The following KHDRBS2 variants were observed in gnomAD, a reference collection of about 807,000 sequenced individuals.
The protein encoded by KHDRBS2 is KH RNA binding domain containing, signal transduction associated 2, also known as KH domain-containing, RNA-binding, signal transduction-associated protein 2.
Under a neutral mutation model 44.3 loss-of-function variants are expected in KHDRBS2, and 26 were observed. The observed-to-expected ratio is 0.59, with a 90% CI of 0.43 to 0.81. KHDRBS2 has a LOEUF of 0.81. Among genes scored for constraint, KHDRBS2 ranks in the 40% least tolerant of loss-of-function variants. KHDRBS2 has a pLI of 0.00. For missense variants in KHDRBS2, 476 were observed against 433.1 expected, an observed-to-expected ratio of 1.10 and a Z score of -0.88; for synonymous variants, 194 against 151.1, an observed-to-expected ratio of 1.28 and a Z score of -2.08.
At chr6:62,191,919 A>C (rs1208391665) in intron 1 of KHDRBS2, among the ~76,000 whole-genome samples, 2 of 152,126 alleles carry the variant, frequency 1.3e-5, no homozygotes, top group Non-Finnish European at 2.9e-5. Flanking sequence ...ATTTAAAAAA[A>C]CTTTTTTTAA....
intron 6 of KHDRBS2, among the ~76,000 whole-genome samples, chr6:61,770,883 G>T (rs185057188): frequency 6.6e-6 from 1 of 152,138 alleles, no homozygotes; most frequent in Non-Finnish European, 1.5e-5. Context: ...ACACATAATT[G>T]TCAGGTTCAC....
chr6:61,820,410 G>A (rs1789710659), intron 6 of KHDRBS2, among the ~76,000 whole-genome samples: 1 of 151,898 alleles, frequency 6.6e-6, no homozygotes, highest in African/African-American at 2.4e-5. Context: ...TTTTGGGCTT[G>A]AGCAGTGGGT....
chr6:61,811,040 T>TCAG lies in KHDRBS2; in HGVS notation c.811-78277_811-78276insCTG, dbSNP rs535093380. ...TATTGTATGATACTGAGGCTTGGGC[T>TCAG]TCTATTTATCCTGTCACTCAAGATA... is the stretch of plus-strand genomic sequence containing the variant. On this transcript the variant is annotated intron_variant, in intron 6 of 8. Transcript: ENST00000281156. Among the ~76,000 whole-genome samples the TCAG allele has an allele frequency of 1.9e-3, 293 of 152,256 alleles. 1 individual carries two copies. Among genetic ancestry groups the TCAG allele is most frequent in the African/African-American group, 6.7e-3 (279 of 41,546 alleles).
chr6:61,805,744 C>T (rs1338025882), intron 6 of KHDRBS2, among the ~76,000 whole-genome samples: 1 of 152,156 alleles, frequency 6.6e-6, no homozygotes, highest in African/African-American at 2.4e-5. Flanking sequence ...CTCAAGAGAA[C>T]TCACACACTA....
intron 7 of KHDRBS2, among the ~76,000 whole-genome samples, chr6:61,711,202 T>A (rs1446281401): frequency 6.6e-6 from 1 of 151,736 alleles, no homozygotes; most frequent in Non-Finnish European, 1.5e-5. Context: ...TTTGTGGCTA[T>A]GTTTACAACT....
At chr6:62,104,011 A>G (rs1487948003) in intron 2 of KHDRBS2, among the ~76,000 whole-genome samples, 2 of 152,224 alleles carry the variant, frequency 1.3e-5, no homozygotes, top group Admixed American at 1.3e-4. Flanking sequence ...AGGGAAATAC[A>G]GATATACATA....
At position 62,235,228 on chromosome 6, in the gene KHDRBS2, T is replaced by G. The variant is rs190169739; in HGVS notation, c.91+50630A>C. The stretch of plus-strand genomic sequence containing the variant: ...CAAGAAATGCTGTTTTATTTATACT[T>G]TGAACTCTGTTTTATATTTATCTCT... On this transcript the variant is annotated intron_variant, in intron 1 of 8. Transcript: ENST00000281156. Among the ~76,000 whole-genome samples the G allele has an allele frequency of 1.3e-5, 2 of 152,102 alleles. 1 individual carries two copies. Among genetic ancestry groups the G allele is most frequent in the Admixed American group, 1.3e-4 (2 of 15,262 alleles).
intron 8 of KHDRBS2, among the ~76,000 whole-genome samples, chr6:61,687,581 C>T (rs771640283): frequency 6.6e-6 from 1 of 151,854 alleles, no homozygotes; most frequent in Non-Finnish European, 1.5e-5. Flanking sequence ...TACTATCCTG[C>T]CTTTTTCTTG....
chr6:62,178,567 C>T (rs1821612631), intron 1 of KHDRBS2, among the ~76,000 whole-genome samples: 1 of 151,508 alleles, frequency 6.6e-6, no homozygotes, highest in South Asian at 2.1e-4. Context: ...AACCAACTTA[C>T]ATTTGTCTAG....
chr6:62,122,506 C>A (rs968866921), intron 2 of KHDRBS2, among the ~76,000 whole-genome samples: 5 of 152,150 alleles, frequency 3.3e-5, no homozygotes, highest in Admixed American at 2.0e-4. Flanking sequence ...TGGGCTCCAG[C>A]AGGTCCTGAG....
At chr6:62,159,950 A>T (rs2150111122) in intron 2 of KHDRBS2, among the ~76,000 whole-genome samples, 1 of 152,204 alleles carries the variant, frequency 6.6e-6, no homozygotes. Context: ...GGTGAAAGAA[A>T]ATCCATGCAA....
At chr6:61,754,471 G>T (rs946776350) in intron 6 of KHDRBS2, among the ~76,000 whole-genome samples, 3 of 151,894 alleles carry the variant, frequency 2.0e-5, no homozygotes, top group Non-Finnish European at 2.9e-5. Context: ...AGAATCAGGG[G>T]TTACAAACCT....
chr6:62,243,178 C>T lies in KHDRBS2; in HGVS notation c.91+42680G>A, dbSNP rs530597718. On this transcript the variant is annotated intron_variant, in intron 1 of 8. Transcript: ENST00000281156. Reference sequence around the variant, plus strand: ...ATATAATATATATATACACACACTACATATATATATCTATATATCATATCT... The same window carrying T: ...ATATAATATATATATACACACACTATATATATATATCTATATATCATATCT... Among the ~76,000 whole-genome samples the T allele has an allele frequency of 2.5e-3, 380 of 152,016 alleles. 3 individuals are homozygous for T. Among genetic ancestry groups the T allele is most frequent in the African/African-American group, 8.4e-3 (348 of 41,452 alleles).
chr6:61,999,774 GT>G (rs538573499), intron 3 of KHDRBS2, among the ~76,000 whole-genome samples: 1 of 151,906 alleles, frequency 6.6e-6, no homozygotes, highest in Non-Finnish European at 1.5e-5. Flanking sequence ...GTCTTTTATA[GT>G]TTTTTCTTCC....
At chr6:61,589,998 C>G in the KHDRBS2 span, among the ~76,000 whole-genome samples, 2 of 152,028 alleles carry the variant, frequency 1.3e-5, no homozygotes, top group Non-Finnish European at 2.9e-5. Context: ...GAATGGGACT[C>G]TTGGATGTGG....
intron 4 of KHDRBS2, among the ~76,000 whole-genome samples, chr6:61,939,424 C>T (rs1423826846): frequency 6.6e-6 from 1 of 152,020 alleles, no homozygotes; most frequent in Non-Finnish European, 1.5e-5. Flanking sequence ...CCTGTAATTC[C>T]TCAAATGTAG....
chr6:61,664,559 C>A, the KHDRBS2 span, among the ~76,000 whole-genome samples: 156 of 151,776 alleles, frequency 1.0e-3, 1 homozygote, highest in African/African-American at 3.5e-3. Context: ...AGAACTGTAG[C>A]CATCTTCTCC....
At chr6:62,055,862 G>A (rs1401804754) in intron 2 of KHDRBS2, among the ~76,000 whole-genome samples, 1 of 152,004 alleles carries the variant, frequency 6.6e-6, no homozygotes, top group East Asian at 1.9e-4. Flanking sequence ...GTGCTCTGCT[G>A]ACTTCTATGT....
the KHDRBS2 span, among the ~76,000 whole-genome samples, chr6:61,610,582 C>T: frequency 6.6e-6 from 1 of 152,206 alleles, no homozygotes; most frequent in East Asian, 1.9e-4. Context: ...TTGTTGGCTG[C>T]AGGTCTTAGT....
Sources: allele counts gnomAD v4.1 joint callset (sites outside exome capture counted in the v4.1 genomes callset), GRCh38; gene constraint gnomAD v4.1.1; transcripts MANE v1.5; gene names NCBI Gene and HGNC (gene_info 2026-07-23, HGNC 2026-07-21).